Variants in MAD1L1 observed in about 807,000 individuals in gnomAD.
MAD1L1 encodes mitotic spindle assembly checkpoint protein MAD1.
Under a neutral mutation model 96.9 loss-of-function variants are expected in MAD1L1, and 95 were observed. The ratio of observed to expected loss-of-function variants is 0.98; its 90% CI spans 0.83 to 1.16. The LOEUF (loss-of-function observed/expected upper bound fraction) is 1.16. Among genes scored for constraint, MAD1L1 ranks in the 50% most tolerant of loss-of-function variants. The probability of loss-of-function intolerance (pLI) is 0.00; values close to 1 mark genes in which losing one functional copy is unlikely to be tolerated. For synonymous variants in MAD1L1, 473 were observed against 396.6 expected (o/e 1.19, Z -2.29); for missense variants, 1,007 against 954.4 (o/e 1.06, Z -0.73).
chr7:1,825,425 C>T (rs1253856313), intron 18 of MAD1L1, among the ~76,000 whole-genome samples: 2 of 152,238 alleles, frequency 1.3e-5, no homozygotes, highest in African/African-American at 2.4e-5. Context: ...TGGGTCACAG[C>T]GTGAGCCCAG....
chr7:2,227,472 C>G (rs1341909144), intron 3 of MAD1L1, among the ~76,000 whole-genome samples: 2 of 152,138 alleles, frequency 1.3e-5, no homozygotes, highest in Admixed American at 6.5e-5. Flanking sequence ...TCACATGTGT[C>G]TGCTGCTGGC....
chr7:2,032,251 C>G (rs980042580), intron 12 of MAD1L1, among the ~76,000 whole-genome samples: 1 of 152,144 alleles, frequency 6.6e-6, no homozygotes, highest in East Asian at 1.9e-4. Flanking sequence ...AATCAGTCCT[C>G]GGAACCACCT....
intron 12 of MAD1L1, among the ~76,000 whole-genome samples, chr7:2,067,992 G>A (rs968802954): frequency 3.3e-5 from 5 of 152,240 alleles, no homozygotes; most frequent in African/African-American, 7.2e-5. Context: ...TAGCAGACAC[G>A]GTGTGGAAGA....
chr7:1,845,730 G>A (rs1462992375), intron 18 of MAD1L1: 1 of 152,462 alleles, frequency 6.6e-6, no homozygotes, highest in African/African-American at 2.4e-5. Flanking sequence ...GCTCCACGCA[G>A]ACACGCGTCG....
chr7:2,026,744 A>C lies in MAD1L1; in HGVS notation c.1219-12102T>G, dbSNP rs1358773003. Among the ~76,000 whole-genome samples, 4 of 152,238 alleles carry C rather than the reference A, an allele frequency of 2.6e-5. No homozygotes were observed. The South Asian group carries it at 8.3e-4, about 32-fold the overall frequency. On this transcript the variant is annotated intron_variant, in intron 12 of 18. Transcript: ENST00000265854. The stretch of plus-strand genomic sequence containing the variant: ...GAAATTGATAAATGACTTGAGCCCA[A>C]TGATAAGGAAAATACAACACATCAA...
At chr7:1,916,734 C>T (rs1788423837) in intron 17 of MAD1L1, among the ~76,000 whole-genome samples, 1 of 152,154 alleles carries the variant, frequency 6.6e-6, no homozygotes, top group African/African-American at 2.4e-5. Flanking sequence ...CCCTGCAGCT[C>T]CCCTCCCTCA....
intron 10 of MAD1L1, among the ~76,000 whole-genome samples, chr7:2,157,024 G>C (rs1789882372): frequency 6.6e-6 from 1 of 152,092 alleles, no homozygotes; most frequent in Non-Finnish European, 1.5e-5. Flanking sequence ...CAAATATTAG[G>C]TTACAGAATT....
At chr7:1,824,107 G>A (rs1469840660) in intron 18 of MAD1L1, among the ~76,000 whole-genome samples, 1 of 152,130 alleles carries the variant, frequency 6.6e-6, no homozygotes, top group Non-Finnish European at 1.5e-5. Context: ...GCAGGAAAAT[G>A]GCAGGTAGTC....
intron 18 of MAD1L1, among the ~76,000 whole-genome samples, chr7:1,824,006 G>A (rs553559434): frequency 2.3e-4 from 35 of 152,296 alleles, no homozygotes; most frequent in African/African-American, 8.4e-4. Context: ...TTTGTGGGGG[G>A]ACGGAGAGCG....
In MAD1L1 at chr7:1,987,858, C is replaced by T. The variant is rs780299334; in HGVS notation, c.1417-7317G>A. ...CCTGTGCCTCCAGCCCTCACCGTGA[C>T]GACGGGGATACCACCACCTGTCCCT... On this transcript the variant is annotated intron_variant, in intron 14 of 18. Transcript: ENST00000265854. 5.4e-4 allele frequency among the ~76,000 whole-genome samples: 83 copies of T among 152,298 alleles called. 1 individual carries two copies. Among genetic ancestry groups the T allele is most frequent in the Admixed American group, 3.8e-3 (58 of 15,314 alleles).
intron 11 of MAD1L1, among the ~76,000 whole-genome samples, chr7:2,105,256 G>T (rs1435836086): frequency 6.6e-6 from 1 of 152,090 alleles, no homozygotes; most frequent in Admixed American, 6.5e-5. Flanking sequence ...ACTAACACAC[G>T]AGCTGGCTTC....
chr7:1,832,824 G>A (rs199498375), intron 18 of MAD1L1, among the ~76,000 whole-genome samples: 1 of 141,334 alleles, frequency 7.1e-6, no homozygotes, highest in African/African-American at 2.7e-5. Flanking sequence ...TAGAGACAGG[G>A]TTTCACCATG....
chr7:1,890,281 G>A (rs958847078), intron 18 of MAD1L1, among the ~76,000 whole-genome samples: 1 of 152,190 alleles, frequency 6.6e-6, no homozygotes, highest in Non-Finnish European at 1.5e-5. Context: ...ATGGGGAGGA[G>A]GTGTCTGCGT....
At chr7:1,828,260 C>T (rs1362539974) in intron 18 of MAD1L1, among the ~76,000 whole-genome samples, 1 of 152,180 alleles carries the variant, frequency 6.6e-6, no homozygotes, top group Non-Finnish European at 1.5e-5. Context: ...GGGTGGCGGG[C>T]CCTGAGAGAC....
intron 16 of MAD1L1, among the ~76,000 whole-genome samples, chr7:1,938,406 C>A (rs920559172): frequency 9.9e-5 from 15 of 151,618 alleles, no homozygotes; most frequent in Non-Finnish European, 1.6e-4. Context: ...AAGTGCTGGC[C>A]GTAAAAGAAA....
chr7:1,952,289 T>G (rs1324341167), intron 16 of MAD1L1, among the ~76,000 whole-genome samples: 2 of 152,188 alleles, frequency 1.3e-5, no homozygotes, highest in African/African-American at 4.8e-5. Context: ...ACGATGCTGC[T>G]CCGAGGACTG....
At chr7:2,196,258 A>C (rs1262527171) in intron 10 of MAD1L1, among the ~76,000 whole-genome samples, 4 of 152,148 alleles carry the variant, frequency 2.6e-5, no homozygotes, top group African/African-American at 9.7e-5. Flanking sequence ...GCCAACCACC[A>C]CCGTCAACAG....
At chr7:1,958,510 G>T (rs1249570855) in intron 15 of MAD1L1, among the ~76,000 whole-genome samples, 1 of 152,176 alleles carries the variant, frequency 6.6e-6, no homozygotes, top group East Asian at 1.9e-4. Flanking sequence ...GCTCCAGGGC[G>T]TCCCAGCACA....
At position 1,816,194 on chromosome 7, in the gene MAD1L1, A is replaced by G; in HGVS notation, c.2033T>C (p.Leu678Pro). Residue 678 changes from leucine (L) to proline (P), a missense_variant, in exon 19 of 19, where the codon CTG becomes CCG. Coordinates refer to ENST00000265854, the MANE Select transcript of MAD1L1 (RefSeq NM_001013836.2). The part of the protein sequence containing the change: ...TSPSGSKMQL[L>P]ETEFSHTVGE... ...CACGGTGTGTGAGAACTCTGTCTCC[A>G]GTAGCTGCATCTTGGAACCCGAGGG... The G allele has an allele frequency of 6.2e-6, 10 of 1,613,152 alleles. No individual in the cohort carries two copies. The highest frequency in any genetic ancestry group is 8.5e-6 in the Non-Finnish European group (10 of 1,179,714).
Sources: allele counts gnomAD v4.1 joint callset (sites outside exome capture counted in the v4.1 genomes callset), GRCh38; gene constraint gnomAD v4.1.1; transcripts MANE v1.5; gene names NCBI Gene and HGNC (gene_info 2026-07-23, HGNC 2026-07-21).